The following TJP1 variants were observed in gnomAD, a reference collection of about 807,000 sequenced individuals.
TJP1 encodes tight junction protein ZO-1.
TJP1 carries 43 observed loss-of-function variants against 194.2 expected under a neutral mutation model. The ratio of observed to expected loss-of-function variants is 0.22; its 90% CI spans 0.17 to 0.29. The LOEUF is 0.29. Among genes scored for constraint, TJP1 ranks in the 10% least tolerant of loss-of-function variants. The probability of loss-of-function intolerance (pLI) is 1.00; values close to 1 mark genes in which losing one functional copy is unlikely to be tolerated. For synonymous variants in TJP1, 801 were observed against 779.0 expected, an observed-to-expected ratio of 1.03 and a Z score of -0.47; for missense variants, 1,971 against 2,185.7, an observed-to-expected ratio of 0.90 and a Z score of 1.96.
chr15:29,963,262 G>A (rs907347161), intron 1 of TJP1, among the ~76,000 whole-genome samples: 1 of 152,130 alleles, frequency 6.6e-6, no homozygotes, highest in Non-Finnish European at 1.5e-5. Flanking sequence ...CTTCTATCGG[G>A]CAATTACCAG....
Position 29,718,466 on chromosome 15 carries a change from G to A in TJP1, c.3676C>T (p.Leu1226=). Residue 1226 remains leucine (L), a synonymous_variant, in exon 21 of 28, where the codon CTG becomes TTG. Transcript: ENST00000614355. ...PLHGAAAVPP[L]IPSSQHKPEA... ...GGCTTATGCTGAGATGAAGGTATCAGCGGAGGGACAGCTGCAGCACCATGG... is the reference window on the plus strand; with the variant it reads ...GGCTTATGCTGAGATGAAGGTATCAACGGAGGGACAGCTGCAGCACCATGG... The A allele has an allele frequency of 6.2e-7, 1 of 1,614,194 alleles. No individual in the cohort carries two copies. Among genetic ancestry groups the A allele is most frequent in the Non-Finnish European group, 8.5e-7 (1 of 1,180,046 alleles).
At chr15:29,773,056 C>A (rs1237824456) in intron 3 of TJP1, among the ~76,000 whole-genome samples, 177 bp downstream of exon 3, 2 of 152,148 alleles carry the variant, frequency 1.3e-5, no homozygotes, top group Non-Finnish European at 1.5e-5. Context: ...GAGTGAGCCA[C>A]CACACCTAGC....
intron 8 of TJP1, chr15:29,760,017 G>A: frequency 1.9e-6 from 1 of 512,962 alleles, no homozygotes; most frequent in Admixed American, 3.6e-5. Flanking sequence ...GTTCGTTCTG[G>A]TTTTAATTTT....
upstream of TJP1, chr15:29,822,628 G>C (rs1036210921): frequency 1.9e-5 from 6 of 312,966 alleles, no homozygotes; most frequent in Non-Finnish European, 2.3e-5. Flanking sequence ...GGAAAAGCCG[G>C]GTAACCCAAG....
chr15:29,789,868 C>T (rs1311376778), intron 2 of TJP1, among the ~76,000 whole-genome samples: 3 of 152,182 alleles, frequency 2.0e-5, no homozygotes, highest in Non-Finnish European at 4.4e-5. Context: ...TTTCTGATTC[C>T]TCTGTGTTTC....
intron 18 of TJP1, among the ~76,000 whole-genome samples, chr15:29,722,485 T>C (rs756301228): frequency 2.0e-5 from 3 of 152,088 alleles, no homozygotes; most frequent in Non-Finnish European, 4.4e-5. Flanking sequence ...CAGTTGAGGC[T>C]TGGGAGCCTC....
chr15:29,728,183 C>CT, intron 15 of TJP1, 164 bp from the exon 16 acceptor site: 1 of 447,998 alleles, frequency 2.2e-6, no homozygotes, highest in East Asian at 3.5e-5. Context: ...ATGCATACTT[C>CT]CCTTTTTTTT....
intron 2 of TJP1, among the ~76,000 whole-genome samples, chr15:29,889,553 T>C (rs2053235424): frequency 6.6e-6 from 1 of 152,262 alleles, no homozygotes. Context: ...GTAAACTGAA[T>C]GCTACTTTTG....
At chr15:29,864,473 A>G (rs2052229672) in intron 2 of TJP1, among the ~76,000 whole-genome samples, 1 of 152,156 alleles carries the variant, frequency 6.6e-6, no homozygotes, top group Non-Finnish European at 1.5e-5. Flanking sequence ...AGAGCTTAAC[A>G]AAGTTCCTAA....
chr15:29,778,828 C>A (rs892529878), intron 2 of TJP1, among the ~76,000 whole-genome samples: 1 of 152,280 alleles, frequency 6.6e-6, no homozygotes, highest in Non-Finnish European at 1.5e-5. Flanking sequence ...CATAAAACTA[C>A]CCTTGGCTTT....
intron 1 of TJP1, among the ~76,000 whole-genome samples, chr15:29,959,767 G>A (rs966488482): frequency 1.3e-4 from 20 of 152,270 alleles, no homozygotes; most frequent in South Asian, 6.2e-4. Context: ...TAATTTTGTC[G>A]TAGCTTTAAA....
At chr15:29,798,271 T>C (rs1595929868) in intron 2 of TJP1, among the ~76,000 whole-genome samples, 1 of 1,556 alleles carries the variant, frequency 6.4e-4, no homozygotes, top group African/African-American at 8.1e-4. Flanking sequence ...GTGCCCAGCG[T>C]TTTTTTTTTT....
chr15:29,783,339 A>C (rs1384124595), intron 2 of TJP1, among the ~76,000 whole-genome samples: 2 of 152,138 alleles, frequency 1.3e-5, no homozygotes, highest in Non-Finnish European at 2.9e-5. Flanking sequence ...TATTAAAAAA[A>C]GTCAAAAAAA....
rs551226132 is a variant in TJP1, at chr15:29,737,214, C to G, written c.1407+50G>C. 143 of 1,591,952 alleles carry G rather than the reference C, an allele frequency of 9.0e-5. 2 individuals carry two copies. In the South Asian group the frequency reaches 1.5e-3, roughly 17 times the overall value. On this transcript the variant is annotated intron_variant, in intron 11 of 27. Coordinates refer to ENST00000614355, the MANE Select transcript of TJP1 (RefSeq NM_001330239.4). The stretch of plus-strand genomic sequence containing the variant: ...TAAGCTTGTTGTTTGATACCTTTTT[C>G]TGGTGATCCAAATACTTTTTAACCC...
intron 2 of TJP1, among the ~76,000 whole-genome samples, chr15:29,882,169 C>T (rs1407682465): frequency 6.6e-6 from 1 of 152,062 alleles, no homozygotes; most frequent in Non-Finnish European, 1.5e-5. Context: ...TCCCCAAGTG[C>T]ACCAACTAAA....
intron 2 of TJP1, among the ~76,000 whole-genome samples, chr15:29,840,155 T>C (rs2051171833): frequency 6.6e-6 from 1 of 152,198 alleles, no homozygotes; most frequent in South Asian, 2.1e-4. Context: ...TTGTTGAATA[T>C]GCGATTTGCG....
intron 25 of TJP1, among the ~76,000 whole-genome samples, chr15:29,706,805 G>A (rs769946849): frequency 4.6e-5 from 7 of 152,108 alleles, no homozygotes; most frequent in East Asian, 1.9e-4. Context: ...GATTACAGGC[G>A]TCTGCCACCA....
At chr15:29,747,851 T>C (rs960863000) in intron 8 of TJP1, among the ~76,000 whole-genome samples, 8 of 152,218 alleles carry the variant, frequency 5.3e-5, no homozygotes, top group African/African-American at 1.9e-4. Flanking sequence ...TTTTTATCTT[T>C]GGCCAATTTG....
At position 29,703,587 on chromosome 15, in the gene TJP1, T is replaced by G. The variant is rs373581252; in HGVS notation, c.5212+575A>C. 1.3e-3 allele frequency among the ~76,000 whole-genome samples: 198 copies of G among 152,244 alleles called. 3 individuals carry two copies. In the South Asian group the frequency reaches 0.038, roughly 29 times the overall value. ...TATCTCCCACTGCATCCTGAAAAAT[T>G]TGACAGAATAAATCATTTTTCTGAA... On this transcript the variant is annotated intron_variant, in intron 27 of 27. Transcript: ENST00000614355.
Sources: allele counts gnomAD v4.1 joint callset (sites outside exome capture counted in the v4.1 genomes callset), GRCh38; gene constraint gnomAD v4.1.1; transcripts MANE v1.5; gene names NCBI Gene and HGNC (gene_info 2026-07-23, HGNC 2026-07-21).